The following SLC27A1 variants were observed in gnomAD, a reference collection of about 807,000 sequenced individuals.
SLC27A1 encodes long-chain fatty acid transport protein 1.
Under a neutral mutation model 62.2 loss-of-function variants are expected in SLC27A1, and 61 were observed. That is an observed-to-expected ratio of 0.98 (90% CI 0.80 to 1.21). The LOEUF (loss-of-function observed/expected upper bound fraction) is 1.21, where lower values mean the gene tolerates loss of function less well. Ranked by LOEUF, SLC27A1 falls within the 50% of genes most tolerant of loss-of-function variation. SLC27A1 has a pLI of 0.00. For synonymous variants in SLC27A1, 435 were observed against 408.6 expected, an observed-to-expected ratio of 1.06 and a Z score of -0.78; for missense variants, 903 against 932.1, an observed-to-expected ratio of 0.97 and a Z score of 0.41.
chr19:17,472,221 C>T (rs529122302), intron 1 of SLC27A1, among the ~76,000 whole-genome samples: 5 of 151,936 alleles, frequency 3.3e-5, no homozygotes, highest in Non-Finnish European at 5.9e-5. Flanking sequence ...GGTGAAACCC[C>T]GTTTCTAATA....
chr19:17,473,910 A>G (rs1157554873), intron 1 of SLC27A1, among the ~76,000 whole-genome samples: 4 of 152,072 alleles, frequency 2.6e-5, no homozygotes, highest in Admixed American at 2.6e-4. Context: ...TTAACCCAGC[A>G]TTTTTAGTTG....
chr19:17,470,184 T>C (rs939799765), upstream of SLC27A1, among the ~76,000 whole-genome samples: 1 of 151,198 alleles, frequency 6.6e-6, no homozygotes, highest in Non-Finnish European at 1.5e-5. Context: ...GGGCGGGGAC[T>C]GTTGTAAGAT....
intron 6 of SLC27A1, among the ~76,000 whole-genome samples, chr19:17,490,747 G>C (rs529692716): frequency 6.6e-6 from 1 of 152,092 alleles, no homozygotes; most frequent in Non-Finnish European, 1.5e-5. Flanking sequence ...GAAAAATTTG[G>C]CCAGGCACAG....
intron 6 of SLC27A1, 121 bp from the exon 7 acceptor site, chr19:17,497,134 C>T: frequency 1.4e-6 from 1 of 701,460 alleles, no homozygotes; most frequent in Non-Finnish European, 2.4e-6. Context: ...CATCATCATC[C>T]TTAGGCTGTT....
At position 17,500,836 on chromosome 19, in the gene SLC27A1, G is replaced by C. The variant is rs774563358; in HGVS notation, c.1596G>C (p.Leu532=). The C allele has an allele frequency of 1.2e-6, 2 of 1,611,014 alleles. No individual in the cohort carries two copies. Among genetic ancestry groups the C allele is most frequent in the Non-Finnish European group, 1.7e-6 (2 of 1,179,156 alleles). The change falls in exon 10 of 12, where the codon CTG becomes CTC. Residue 532 remains leucine, a synonymous_variant. Coordinates refer to ENST00000252595, the MANE Select transcript of SLC27A1 (RefSeq NM_198580.3). Reference sequence around the variant, plus strand: ...TGGAGGGCGTGCTGAGCCGCCTGCTGGGCCAGACAGACGTGGCCGTCTATG... The same window carrying C: ...TGGAGGGCGTGCTGAGCCGCCTGCTCGGCCAGACAGACGTGGCCGTCTATG... The part of the protein sequence containing the change: ...TEVEGVLSRL[L]GQTDVAVYGV...
At chr19:17,472,589 C>T (rs1019035375) in intron 1 of SLC27A1, among the ~76,000 whole-genome samples, 1 of 151,808 alleles carries the variant, frequency 6.6e-6, no homozygotes, top group South Asian at 2.1e-4. Flanking sequence ...TGCAGTGGTG[C>T]GATCTTGGCT....
chr19:17,469,471 A>G (rs557962537), upstream of SLC27A1, among the ~76,000 whole-genome samples: 3 of 151,978 alleles, frequency 2.0e-5, no homozygotes, highest in East Asian at 1.9e-4. Context: ...TCGGGTCCTG[A>G]TATCTTGCGA....
chr19:17,487,114 C>T lies in SLC27A1; in HGVS notation c.563-60C>T, dbSNP rs772121033. 9 of 1,608,446 alleles carry T rather than the reference C, an allele frequency of 5.6e-6. No individual in the cohort carries two copies. In the African/African-American group the frequency reaches 1.2e-4, roughly 21 times the overall value. ...GCCCCGGGCAGGGAGTTGGTGCATC[C>T]CAGGCCTCGGGAGGGGGCCTGTCCG... On this transcript the variant is annotated intron_variant, in intron 2 of 11. Transcript: ENST00000252595.
At chr19:17,469,566 C>A (rs1044827554), upstream of SLC27A1, among the ~76,000 whole-genome samples, 19 of 151,918 alleles carry the variant, frequency 1.3e-4, no homozygotes, top group African/African-American at 4.6e-4. Flanking sequence ...AGACAGCGGA[C>A]GACCCTGGCG....
chr19:17,491,701 C>T (rs962500248), intron 6 of SLC27A1, among the ~76,000 whole-genome samples: 59 of 151,720 alleles, frequency 3.9e-4, no homozygotes, highest in African/African-American at 1.4e-3. Context: ...GTGAGTCCCT[C>T]ATCTCTACAA....
Position 17,486,994 on chromosome 19 carries a change from C to T in SLC27A1, c.562+37C>T, listed in dbSNP as rs747100783. On this transcript the variant is annotated intron_variant, in intron 2 of 11. Coordinates refer to ENST00000252595, the MANE Select transcript of SLC27A1 (RefSeq NM_198580.3). This position sits in a 1 kb window ranked among gnomAD's most constrained non-coding sequence, Gnocchi z 6.6. ...CGTGGGCATCAGGTGGGCGGGGACC[C>T]AGGACTGGCCCCTGGGCGGGCGGGG... is the stretch of plus-strand genomic sequence containing the variant. The T allele has an allele frequency of 2.6e-6, 4 of 1,542,380 alleles. No homozygotes were observed. The highest frequency in any genetic ancestry group is 3.5e-6 in the Non-Finnish European group (4 of 1,150,464).
At chr19:17,477,264 T>TTTTTTTTA (rs2075133533) in intron 1 of SLC27A1, among the ~76,000 whole-genome samples, 3 of 115,664 alleles carry the variant, frequency 2.6e-5, no homozygotes, top group African/African-American at 5.8e-5. Flanking sequence ...TTTTTTTTTT[T>TTTTTTTTA]GAGACTGAAT....
intron 6 of SLC27A1, among the ~76,000 whole-genome samples, chr19:17,494,149 G>A (rs1261297419): frequency 6.6e-6 from 1 of 151,110 alleles, no homozygotes; most frequent in Non-Finnish European, 1.5e-5. Flanking sequence ...CTCCTGAGTA[G>A]CTGGGACTAC....
At chr19:17,484,641 G>A (rs1452554429) in intron 1 of SLC27A1, among the ~76,000 whole-genome samples, 2 of 152,058 alleles carry the variant, frequency 1.3e-5, no homozygotes, top group South Asian at 2.1e-4. Context: ...GAGGGAAAGA[G>A]TGAGTGAAGT....
chr19:17,471,599 G>A (rs2075076976), intron 1 of SLC27A1, among the ~76,000 whole-genome samples: 1 of 152,120 alleles, frequency 6.6e-6, no homozygotes, highest in African/African-American at 2.4e-5. Context: ...GTGGGAGCAG[G>A]TGAGCGCCGG....
intron 1 of SLC27A1, among the ~76,000 whole-genome samples, chr19:17,471,143 G>A (rs1472854780): frequency 1.3e-5 from 2 of 151,588 alleles, no homozygotes; most frequent in Non-Finnish European, 2.9e-5. Flanking sequence ...GTAGGTCACC[G>A]GGGCTCACAG....
upstream of SLC27A1, among the ~76,000 whole-genome samples, chr19:17,470,128 T>C (rs1042664400): frequency 6.6e-6 from 1 of 151,650 alleles, no homozygotes; most frequent in Admixed American, 6.6e-5. Flanking sequence ...TGAAGGCATG[T>C]GGCGAGGCCT....
chr19:17,479,519 C>G (rs2075155612), intron 1 of SLC27A1, among the ~76,000 whole-genome samples: 1 of 152,204 alleles, frequency 6.6e-6, no homozygotes, highest in South Asian at 2.1e-4. Context: ...TTTTTCTGAT[C>G]TTCTGCACTT....
chr19:17,504,700 T>TA lies in SLC27A1; in HGVS notation c.*89dup. 3.2e-6 allele frequency: 5 copies of TA among 1,547,456 alleles called. No homozygotes were observed. The highest frequency in any genetic ancestry group is 4.4e-6 in the Non-Finnish European group (5 of 1,134,646). On this transcript the variant is annotated 3_prime_UTR_variant, in exon 12 of 12. Coordinates refer to ENST00000252595, the MANE Select transcript of SLC27A1 (RefSeq NM_198580.3). ...GCGCTGCCCAGGGGTGGCCGCCTAG[T>TA]ACACACCCACCTGGCCGAGCTGTAC...
Sources: allele counts gnomAD v4.1 joint callset (sites outside exome capture counted in the v4.1 genomes callset), GRCh38; gene constraint gnomAD v4.1.1; non-coding constraint Gnocchi (gnomAD v3.1); transcripts MANE v1.5; gene names NCBI Gene and HGNC (gene_info 2026-07-23, HGNC 2026-07-21).